GPR143: variants seen among roughly 807,000 people sequenced by gnomAD.
GPR143 encodes the protein G-protein coupled receptor 143.
A neutral mutation model predicts 27.6 loss-of-function variants in GPR143; 8 were observed. The ratio of observed to expected loss-of-function variants is 0.29; its 90% CI spans 0.17 to 0.52. GPR143 has a LOEUF of 0.52. GPR143 is among the 20% of genes least tolerant of loss of function. The pLI is 0.96. For missense variants in GPR143, 303 were observed against 343.1 expected (o/e 0.88, Z 0.92); for synonymous variants, 156 against 153.2 (o/e 1.02, Z -0.13).
rs1245848548 is a variant in GPR143 at position 9,732,354 on chromosome X, CCGGTAAGAAA to C, written c.1121-6524_1121-6515del. Among the ~76,000 whole-genome samples the C allele has an allele frequency of 8.1e-5, 9 of 110,815 alleles. No homozygotes were observed. In the East Asian group the frequency reaches 2.3e-3, roughly 28 times the overall value. On this transcript the variant is annotated intron_variant, in intron 8 of 8. Transcript: ENST00000467482. ...AACAAGGCATTGTGGGAAAGACAGACCGGTAAGAAACATACAGGACTATGGGTGGGAATAG... is the reference window on the plus strand; with the variant it reads ...AACAAGGCATTGTGGGAAAGACAGACCATACAGGACTATGGGTGGGAATAG...
upstream of GPR143, chrX:9,765,936 C>G (rs926069836): frequency 5.4e-6 from 4 of 739,934 alleles, no homozygotes; most frequent in African/African-American, 6.7e-5. Flanking sequence ...ACCCCAACCC[C>G]CAGCGCCTGC....
At chrX:9,777,233 T>G (rs2083573477) in intron 1 of GPR143, among the ~76,000 whole-genome samples, 1 of 112,586 alleles carries the variant, frequency 8.9e-6, no homozygotes, top group Admixed American at 9.4e-5. Flanking sequence ...GAGTATTTGA[T>G]TCGGCTTTAC....
chrX:9,739,796 A>T (rs980350774), intron 7 of GPR143, 77 bp from the exon 8 acceptor site: 2 of 678,083 alleles, frequency 2.9e-6, no homozygotes, highest in African/African-American at 4.3e-5. Flanking sequence ...TCACAGAGTG[A>T]CACACTCCCC....
chrX:9,770,321 A>AAG (rs199635476), upstream of GPR143, among the ~76,000 whole-genome samples: 971 of 88,003 alleles, frequency 0.011, 22 homozygotes, highest in African/African-American at 0.044. Context: ...GAAAGAAAGA[A>AAG]AAAGAGAGAG....
chrX:9,766,899 TCTCTCACACACACA>T (rs2083536132), upstream of GPR143, among the ~76,000 whole-genome samples: 2 of 67,111 alleles, frequency 3.0e-5, no homozygotes, highest in African/African-American at 1.2e-4. Flanking sequence ...CCTATCTCTC[TCTCTCACACACACA>T]CACACACACA....
chrX:9,765,650 G>A lies in GPR143; in HGVS notation c.168C>T (p.Gly56=). 5.1e-6 allele frequency: 5 copies of A among 982,746 alleles called. No individual in the cohort carries two copies. Among genetic ancestry groups the A allele is most frequent in the Non-Finnish European group, 6.4e-6 (5 of 785,080 alleles). 81.0% of individuals were successfully genotyped at this position (982,746 alleles called of 1,213,427 possible). A position where few individuals can be genotyped will look rare whatever the true frequency, so the allele number is the denominator to read the frequency against. Reference sequence around the variant, plus strand: ...GCGGGGACGTCGCGGGGGACCCGGGGCCCGCGGGCCGGCGGCCGGGCAGCA... The same window carrying A: ...GCGGGGACGTCGCGGGGGACCCGGGACCCGCGGGCCGGCGGCCGGGCAGCA... The part of the protein sequence containing the change: ...LQLLPGRRPA[G]PGSPATSPPA... Residue 56 remains glycine, a synonymous_variant, in exon 1 of 9, where the codon GGC becomes GGT. Coordinates refer to ENST00000467482, the MANE Select transcript of GPR143 (RefSeq NM_000273.3).
chrX:9,749,366 T>C (rs1234824559), intron 3 of GPR143, among the ~76,000 whole-genome samples: 1 of 110,910 alleles, frequency 9.0e-6, no homozygotes, highest in African/African-American at 3.3e-5. Flanking sequence ...ATTAAACCTC[T>C]TTCCTTTATC....
At position 9,746,083 on chromosome X, in the gene GPR143, C is replaced by T. The variant is rs374765532; in HGVS notation, c.619G>A (p.Val207Met). 5 of 1,201,247 alleles carry T rather than the reference C, an allele frequency of 4.2e-6. No individual in the cohort carries two copies. The African/African-American group carries it at 5.3e-5, about 13-fold the overall frequency. ...TMYLPLLLVL[V>M]ANPILFQKTV... ...TTTTGGAACAGGATGGGGTTCGCCA[C>T]GAGAACCAGCAGCAGGGGCAGGTAC... The change falls in exon 5 of 9, where the codon GTG becomes ATG. Residue 207 changes from valine (V) to methionine (M), a missense_variant. Transcript: ENST00000467482.
intron 1 of GPR143, among the ~76,000 whole-genome samples, chrX:9,778,083 T>C (rs1189476259): frequency 9.1e-6 from 1 of 109,904 alleles, no homozygotes; most frequent in Non-Finnish European, 1.9e-5. Context: ...AGAGTGAGAC[T>C]CCATCTCAAA....
At chrX:9,757,664 G>A (rs1308697750) in intron 3 of GPR143, among the ~76,000 whole-genome samples, 1 of 111,369 alleles carries the variant, frequency 9.0e-6, no homozygotes, top group East Asian at 2.8e-4. Flanking sequence ...GTGTAACATC[G>A]ATAACGGTGA....
intron 3 of GPR143, among the ~76,000 whole-genome samples, chrX:9,757,633 G>A (rs2083478704): frequency 9.0e-6 from 1 of 111,513 alleles, no homozygotes; most frequent in Non-Finnish European, 1.9e-5. Context: ...CCACAGAGAT[G>A]TAGAGGGGAT....
chrX:9,728,581 C>T (rs180733933), intron 8 of GPR143, among the ~76,000 whole-genome samples: 4 of 91,097 alleles, frequency 4.4e-5, no homozygotes, highest in East Asian at 3.3e-4. Flanking sequence ...TTTGGGAGAC[C>T]GAGTCAGGAG....
upstream of GPR143, among the ~76,000 whole-genome samples, chrX:9,769,747 A>AT (rs1266303957): frequency 1.8e-5 from 2 of 109,830 alleles, no homozygotes; most frequent in Non-Finnish European, 3.8e-5. Context: ...ACACCTGGCT[A>AT]TTTTTTGTAT....
At chrX:9,760,388 G>A (rs1247378053) in intron 2 of GPR143, among the ~76,000 whole-genome samples, 1 of 112,053 alleles carries the variant, frequency 8.9e-6, no homozygotes, top group Admixed American at 9.5e-5. Flanking sequence ...TGCCGTGCCC[G>A]GCTTGTATGT....
At chrX:9,773,795 T>C (rs1400061798) in intron 1 of GPR143, among the ~76,000 whole-genome samples, 1 of 110,118 alleles carries the variant, frequency 9.1e-6, no homozygotes, top group East Asian at 2.9e-4. Context: ...GCCAGGGAAG[T>C]TGAAGCTGCA....
chrX:9,760,185 G>T (rs1000537584), intron 2 of GPR143, among the ~76,000 whole-genome samples: 1 of 111,326 alleles, frequency 9.0e-6, no homozygotes, highest in Non-Finnish European at 1.9e-5. Flanking sequence ...TCCGCCTCCC[G>T]GGTTGAAGCA....
intron 8 of GPR143, among the ~76,000 whole-genome samples, chrX:9,731,740 G>T (rs1328910185): frequency 3.0e-5 from 3 of 100,379 alleles, no homozygotes; most frequent in Non-Finnish European, 6.1e-5. Context: ...TTGTGAGAGA[G>T]AACAGAGAAC....
chrX:9,732,399 GGAAAGAGCTGCAATT>G (rs2083358514), intron 8 of GPR143, among the ~76,000 whole-genome samples: 1 of 111,571 alleles, frequency 9.0e-6, no homozygotes, highest in Admixed American at 9.5e-5. Context: ...GAGAATTGTG[GGAAAGAGCTGCAATT>G]GTGGGAAAAG....
At chrX:9,732,841 G>A (rs1394198028) in intron 8 of GPR143, among the ~76,000 whole-genome samples, 1 of 89,934 alleles carries the variant, frequency 1.1e-5, no homozygotes, top group East Asian at 3.4e-4. Context: ...CAGCCTTGGC[G>A]ACAGAGTGAA....
Sources: allele counts gnomAD v4.1 joint callset (sites outside exome capture counted in the v4.1 genomes callset), GRCh38; gene constraint gnomAD v4.1.1; transcripts MANE v1.5; gene names NCBI Gene and HGNC (gene_info 2026-07-23, HGNC 2026-07-21).